Variants in KLHL29 observed in about 807,000 individuals in gnomAD.
The protein encoded by KLHL29 is kelch like family member 29.
A neutral mutation model predicts 80.4 loss-of-function variants in KLHL29; 21 were observed. The observed-to-expected ratio is 0.26, with a 90% CI of 0.19 to 0.38. KLHL29 has a LOEUF of 0.38. KLHL29 is among the 10% of genes least tolerant of loss of function. KLHL29 has a pLI of 1.00. For synonymous variants in KLHL29, 511 were observed against 526.8 expected (o/e 0.97, Z 0.41); for missense variants, 867 against 1,223.9 (o/e 0.71, Z 4.35).
At chr2:23,436,094 T>G (rs1417865739) in intron 1 of KLHL29, among the ~76,000 whole-genome samples, 1 of 152,150 alleles carries the variant, frequency 6.6e-6, no homozygotes, top group Non-Finnish European at 1.5e-5. Context: ...GGCTGTTTCC[T>G]TAACTTGTGG....
rs924593965 is a variant in KLHL29 at position 23,403,732 on chromosome 2, T to A, written c.-154+17952T>A. Among the ~76,000 whole-genome samples the A allele has an allele frequency of 4.9e-3, 705 of 143,076 alleles. 4 individuals carry two copies. The highest frequency in any genetic ancestry group is 0.01 in the African/African-American group (377 of 36,980). The allele number at this position is 143,076 out of a possible 152,430, so 93.9% of individuals were successfully genotyped here. ...CCCAAAGAGAGAGAGAGAGAGTGTG[T>A]GTGTGTGTGTGTGTGTGTGTGTGTG... On this transcript the variant is annotated intron_variant, in intron 1 of 13. Coordinates refer to ENST00000486442, the MANE Select transcript of KLHL29 (RefSeq NM_052920.2).
rs185573910 is a variant in KLHL29 at position 23,462,853 on chromosome 2, A to T, written c.-153-12707A>T. On this transcript the variant is annotated intron_variant, in intron 1 of 13. Transcript: ENST00000486442. ...AAAATTACAAACTATATAAAATGCT[A>T]ACCGGGCATGGTGGCTCACACCTGT... is the stretch of plus-strand genomic sequence containing the variant. Among the ~76,000 whole-genome samples the T allele has an allele frequency of 1.8e-3, 277 of 152,336 alleles. 2 individuals are homozygous for T. Among genetic ancestry groups the T allele is most frequent in the African/African-American group, 6.3e-3 (260 of 41,578 alleles).
chr2:23,521,802 C>G (rs941402476), intron 2 of KLHL29, among the ~76,000 whole-genome samples: 54 of 152,368 alleles, frequency 3.5e-4, no homozygotes, highest in African/African-American at 1.3e-3. Flanking sequence ...AAAGCCCACA[C>G]TCTTAAGCAG....
chr2:23,675,116 C>T (rs146522495), intron 5 of KLHL29, among the ~76,000 whole-genome samples: 183 of 152,302 alleles, frequency 1.2e-3, no homozygotes, highest in South Asian at 4.6e-3. Context: ...CAAGGTCTCT[C>T]GGCCCTGCCC....
At chr2:23,564,954 C>A (rs561025359) in intron 3 of KLHL29, among the ~76,000 whole-genome samples, 3 of 152,204 alleles carry the variant, frequency 2.0e-5, no homozygotes, top group African/African-American at 7.2e-5. Context: ...TCCCTTCTAC[C>A]GCTTGCTATC....
rs1371323591 is a variant in KLHL29, at chr2:23,559,238, G to A, written c.-45-2914G>A. On this transcript the variant is annotated intron_variant, in intron 2 of 13. Transcript: ENST00000486442. ...ATGATGGGCCATGGTCTCTGGGGTA[G>A]GACGGGATGAATGAGAGGGGATGCT... Among the ~76,000 whole-genome samples the A allele has an allele frequency of 2.0e-5, 3 of 152,228 alleles. No individual in the cohort carries two copies. In the South Asian group the frequency reaches 6.2e-4, roughly 32 times the overall value.
chr2:23,640,439 C>T (rs1669736446), intron 4 of KLHL29, among the ~76,000 whole-genome samples: 1 of 152,184 alleles, frequency 6.6e-6, no homozygotes, highest in Non-Finnish European at 1.5e-5. Flanking sequence ...TGGGGCCCCA[C>T]CCATTACGCT....
intron 5 of KLHL29, chr2:23,672,315 C>T (rs1670788761): frequency 6.6e-6 from 1 of 152,462 alleles, no homozygotes; most frequent in Non-Finnish European, 1.5e-5. Flanking sequence ...GCCAAACTCA[C>T]CTCCGTCCAC....
At chr2:23,602,720 C>A (rs1365452929) in intron 3 of KLHL29, among the ~76,000 whole-genome samples, 1 of 151,536 alleles carries the variant, frequency 6.6e-6, no homozygotes, top group African/African-American at 2.4e-5. Context: ...TCCAAAAGTG[C>A]TGGGATTACA....
chr2:23,701,142 T>C (rs1345708788), intron 11 of KLHL29, among the ~76,000 whole-genome samples: 2 of 152,014 alleles, frequency 1.3e-5, no homozygotes, highest in Non-Finnish European at 2.9e-5. Context: ...CCACCAGTAG[T>C]GTCACCATCC....
intron 3 of KLHL29, among the ~76,000 whole-genome samples, chr2:23,604,998 C>T (rs1668668793): frequency 6.6e-6 from 1 of 152,128 alleles, no homozygotes; most frequent in Non-Finnish European, 1.5e-5. Context: ...CCCAACTCCA[C>T]CTGGCCCTGC....
intron 3 of KLHL29, among the ~76,000 whole-genome samples, chr2:23,615,301 C>T (rs910252198): frequency 9.8e-5 from 15 of 152,298 alleles, no homozygotes; most frequent in African/African-American, 2.9e-4. Flanking sequence ...CTCACTCTCA[C>T]GTCCATTTTC....
chr2:23,491,548 G>A (rs191265516), intron 2 of KLHL29, among the ~76,000 whole-genome samples: 25 of 84,520 alleles, frequency 3.0e-4, no homozygotes, highest in South Asian at 2.9e-3. Context: ...GCCTTCCCCC[G>A]CTGGGCCAGC....
At chr2:23,387,480 A>C (rs1666213072) in intron 1 of KLHL29, among the ~76,000 whole-genome samples, 1 of 151,736 alleles carries the variant, frequency 6.6e-6, no homozygotes, top group African/African-American at 2.4e-5. Flanking sequence ...GAATGACAGC[A>C]GACTTGTCCC....
chr2:23,648,434 C>G (rs1669998959), intron 5 of KLHL29, among the ~76,000 whole-genome samples: 1 of 152,192 alleles, frequency 6.6e-6, no homozygotes, highest in Non-Finnish European at 1.5e-5. Context: ...TAATGAGTCC[C>G]AGGAGATATG....
intron 1 of KLHL29, among the ~76,000 whole-genome samples, chr2:23,440,360 A>G (rs1445064091): frequency 6.6e-6 from 1 of 151,790 alleles, no homozygotes; most frequent in African/African-American, 2.4e-5. Context: ...CATTAGACCT[A>G]AAACCATAAA....
intron 3 of KLHL29, among the ~76,000 whole-genome samples, chr2:23,629,582 G>A (rs1272767791): frequency 6.6e-6 from 1 of 152,164 alleles, no homozygotes; most frequent in South Asian, 2.1e-4. Context: ...GGGCTTGGAG[G>A]AAGGGGCTGG....
At chr2:23,606,201 G>GAGGGAGA (rs1553343005) in intron 3 of KLHL29, among the ~76,000 whole-genome samples, 2 of 93,132 alleles carry the variant, frequency 2.1e-5, no homozygotes, top group African/African-American at 9.0e-5. Flanking sequence ...AGAGAGAGAG[G>GAGGGAGA]GAGAGAGAGA....
intron 1 of KLHL29, among the ~76,000 whole-genome samples, chr2:23,405,635 A>G (rs1666707422): frequency 6.6e-6 from 1 of 152,202 alleles, no homozygotes; most frequent in African/African-American, 2.4e-5. Context: ...TGTTGGCACC[A>G]GTTCTGCAAG....
Sources: gnomAD v4.1 joint callset for allele counts (sites outside exome capture counted in the v4.1 genomes callset) on GRCh38, gnomAD v4.1.1 for gene constraint, MANE v1.5 for transcripts, NCBI Gene and HGNC (gene_info 2026-07-23, HGNC 2026-07-21) for gene names.